The following THRAP3 variants were observed in gnomAD, a reference collection of about 807,000 sequenced individuals.
THRAP3 encodes the protein thyroid hormone receptor associated protein 3, also known as thyroid hormone receptor-associated protein 3.
A neutral mutation model predicts 101.0 loss-of-function variants in THRAP3; 16 were observed. That is an observed-to-expected ratio of 0.16 (90% CI 0.11 to 0.24). The LOEUF is 0.24. Ranked by LOEUF, THRAP3 falls within the 10% of genes least tolerant of loss-of-function variation. THRAP3 has a pLI of 1.00. For missense variants in THRAP3, 989 were observed against 1,202.7 expected (o/e 0.82, Z 2.63); for synonymous variants, 407 against 422.6 (o/e 0.96, Z 0.45).
intron 2 of THRAP3, among the ~76,000 whole-genome samples, chr1:36,274,997 G>A (rs1645638406): frequency 1.3e-5 from 2 of 150,706 alleles, no homozygotes; most frequent in South Asian, 2.1e-4. Flanking sequence ...TTTTTGGCCG[G>A]GCGCGGTGGC....
At chr1:36,269,745 T>G (rs1211078318) in intron 2 of THRAP3, among the ~76,000 whole-genome samples, 1 of 152,000 alleles carries the variant, frequency 6.6e-6, no homozygotes, top group Non-Finnish European at 1.5e-5. Context: ...TAATTTTTTT[T>G]TTTTTAAATC....
intron 9 of THRAP3, among the ~76,000 whole-genome samples, chr1:36,300,284 A>G (rs909592443): frequency 1.3e-5 from 2 of 152,224 alleles, no homozygotes; most frequent in African/African-American, 4.8e-5. Context: ...TGGTATAATT[A>G]GTCAGAGCTA....
In THRAP3 at chr1:36,243,965, C is replaced by CG. The variant is rs1645199875; in HGVS notation, c.-134-15411dup. Among the ~76,000 whole-genome samples the CG allele has an allele frequency of 3.2e-5, 4 of 126,488 alleles. 1 individual carries two copies. Among genetic ancestry groups the CG allele is most frequent in the African/African-American group, 9.1e-5 (3 of 32,888 alleles). The allele number at this position is 126,488 out of a possible 152,430, so 83.0% of individuals were successfully genotyped here. A position where few individuals can be genotyped will look rare whatever the true frequency, so the allele number is the denominator to read the frequency against. Reference sequence around the variant, plus strand: ...CCTCCCGGATGGGGCGGCTGGCGGGCGGGGGGCTGAACCCCCCACCTCCCT... The same window carrying CG: ...CCTCCCGGATGGGGCGGCTGGCGGGCGGGGGGGCTGAACCCCCCACCTCCCT... On this transcript the variant is annotated intron_variant, in intron 1 of 11. Transcript: ENST00000354618.
At position 36,285,011 on chromosome 1, in the gene THRAP3, T is replaced by TA. The variant is rs1166088938; in HGVS notation, c.138-1350dup. ...CAGTTGCTCTTATTCATGGTGTAGA[T>TA]AAAAAAATCTGAGTACAGTGGGCAA... On this transcript the variant is annotated intron_variant, in intron 3 of 11. Transcript: ENST00000354618. Among the ~76,000 whole-genome samples, 4 of 152,128 alleles carry TA rather than the reference T, an allele frequency of 2.6e-5. No homozygotes were observed. The South Asian group carries it at 6.2e-4, about 24-fold the overall frequency.
At chr1:36,224,365 C>G (rs1290157301), upstream of THRAP3, 1 of 152,470 alleles carries the variant, frequency 6.6e-6, no homozygotes, top group African/African-American at 2.4e-5. Context: ...GGGCGTAGGA[C>G]TACATTTCCC....
At chr1:36,244,508 C>G (rs1645207971) in intron 1 of THRAP3, among the ~76,000 whole-genome samples, 1 of 152,200 alleles carries the variant, frequency 6.6e-6, no homozygotes. Context: ...TACTTAGTGT[C>G]AAACTGATTT....
chr1:36,260,839 AG>A (rs1313979279), intron 2 of THRAP3, among the ~76,000 whole-genome samples: 4 of 151,178 alleles, frequency 2.6e-5, no homozygotes, highest in African/African-American at 9.7e-5. Flanking sequence ...AAAAAAAAAA[AG>A]GCACTCTGGT....
intron 2 of THRAP3, among the ~76,000 whole-genome samples, chr1:36,264,646 C>G (rs989941097): frequency 6.6e-6 from 1 of 152,168 alleles, no homozygotes; most frequent in Non-Finnish European, 1.5e-5. Flanking sequence ...ATTCTAGTCT[C>G]AGTTGCTTAT....
chr1:36,290,326 G>C (rs943742884), intron 5 of THRAP3, among the ~76,000 whole-genome samples: 2 of 151,796 alleles, frequency 1.3e-5, no homozygotes, highest in African/African-American at 4.8e-5. Flanking sequence ...CTCCCGAGTA[G>C]CTGGGACCAC....
At chr1:36,243,151 C>CTTTTTTTTT (rs58340320) in intron 1 of THRAP3, among the ~76,000 whole-genome samples, 3 of 60,862 alleles carry the variant, frequency 4.9e-5, no homozygotes, top group Admixed American at 1.9e-4. Flanking sequence ...GAGGAACTTT[C>CTTTTTTTTT]TTTTTTTTTT....
chr1:36,281,336 C>T (rs1170695333), intron 2 of THRAP3, among the ~76,000 whole-genome samples: 1 of 152,212 alleles, frequency 6.6e-6, no homozygotes, highest in Non-Finnish European at 1.5e-5. Context: ...CTCACATCTC[C>T]TCATTACTTT....
chr1:36,272,495 C>T (rs1645604361), intron 2 of THRAP3, among the ~76,000 whole-genome samples: 1 of 152,146 alleles, frequency 6.6e-6, no homozygotes, highest in Non-Finnish European at 1.5e-5. Flanking sequence ...GTCTTTTACT[C>T]AGGAGATGAT....
In THRAP3 at chr1:36,304,169, C is replaced by T; in HGVS notation, c.*152C>T. 8.2e-7 allele frequency: 1 copy of T among 1,214,640 alleles called. No individual in the cohort carries two copies. The highest frequency in any genetic ancestry group is 1.1e-6 in the Non-Finnish European group (1 of 905,026). The allele number at this position is 1,214,640 out of a possible 1,614,324, so 75.2% of individuals were successfully genotyped here. On this transcript the variant is annotated 3_prime_UTR_variant, in exon 12 of 12. Coordinates refer to ENST00000354618, the MANE Select transcript of THRAP3 (RefSeq NM_005119.4). ...GATTGTACTACCGCGAGAGGCATCCCTGGCGCTGTCTCCCACTGGACAGAG... is the reference window on the plus strand; with the variant it reads ...GATTGTACTACCGCGAGAGGCATCCTTGGCGCTGTCTCCCACTGGACAGAG...
upstream of THRAP3, among the ~76,000 whole-genome samples, chr1:36,222,941 C>T (rs933424423): frequency 2.0e-5 from 3 of 151,996 alleles, no homozygotes; most frequent in Non-Finnish European, 4.4e-5. Context: ...CCAGCTTGGC[C>T]AACGTGGCGA....
At position 36,296,649 on chromosome 1, in the gene THRAP3, A is replaced by C; in HGVS notation, c.2182A>C (p.Lys728Gln). The change falls in exon 9 of 12, where the codon AAG (lysine) becomes CAG (glutamine). Residue 728 changes from lysine to glutamine, a missense_variant. Coordinates refer to ENST00000354618, the MANE Select transcript of THRAP3 (RefSeq NM_005119.4). ...RLDIERRKKHKERDLKRGKSR... is the reference protein window; with the variant it reads ...RLDIERRKKHQERDLKRGKSR... ...TGATATTGAACGTCGTAAAAAACAT[A>C]AGGAGAGAGATCTTAAACGAGGTAA... 2.5e-6 allele frequency: 4 copies of C among 1,607,430 alleles called. No homozygotes were observed. Among genetic ancestry groups the C allele is most frequent in the Non-Finnish European group, 3.4e-6 (4 of 1,178,464 alleles).
chr1:36,234,025 G>T (rs755718815), intron 1 of THRAP3, among the ~76,000 whole-genome samples: 4 of 151,882 alleles, frequency 2.6e-5, no homozygotes, highest in African/African-American at 9.7e-5. Context: ...GCGTGATCAC[G>T]GCTAACCTCA....
At chr1:36,250,850 G>T (rs998787381) in intron 1 of THRAP3, among the ~76,000 whole-genome samples, 3 of 152,036 alleles carry the variant, frequency 2.0e-5, no homozygotes, top group Non-Finnish European at 2.9e-5. Context: ...GGGCTCAAGC[G>T]ATTCTTGTGC....
chr1:36,267,977 C>T (rs147281540), intron 2 of THRAP3, among the ~76,000 whole-genome samples: 149 of 9,890 alleles, frequency 0.015, 56 homozygotes, highest in East Asian at 0.13. Context: ...GCCAGGAGTT[C>T]AAGACCAGCC....
rs1645954964 is a variant in THRAP3, at chr1:36,296,648, TAAG to T, written c.2182_2184del (p.Lys728del). 2 of 1,606,846 alleles carry T rather than the reference TAAG, an allele frequency of 1.2e-6. No individual in the cohort carries two copies. Among genetic ancestry groups the T allele is most frequent in the East Asian group, 2.2e-5 (1 of 44,602 alleles). ...TTGATATTGAACGTCGTAAAAAACA[TAAG>T]GAGAGAGATCTTAAACGAGGTAAAT... On this transcript the variant is annotated inframe_deletion, in exon 9 of 12. Transcript: ENST00000354618.
Sources: gnomAD v4.1 joint callset for allele counts (sites outside exome capture counted in the v4.1 genomes callset) on GRCh38, gnomAD v4.1.1 for gene constraint, MANE v1.5 for transcripts, NCBI Gene and HGNC (gene_info 2026-07-23, HGNC 2026-07-21) for gene names.